PRKG1: variants seen among roughly 807,000 people sequenced by gnomAD.
PRKG1 encodes the protein cGMP-dependent protein kinase 1.
A neutral mutation model predicts 88.1 loss-of-function variants in PRKG1; 35 were observed. The ratio of observed to expected loss-of-function variants is 0.40; its 90% CI spans 0.30 to 0.53. PRKG1 has a LOEUF of 0.53. Among genes scored for constraint, PRKG1 ranks in the 20% least tolerant of loss-of-function variants. The pLI is 0.59. For synonymous variants in PRKG1, 303 were observed against 292.5 expected, an observed-to-expected ratio of 1.04 and a Z score of -0.37; for missense variants, 540 against 839.8, an observed-to-expected ratio of 0.64 and a Z score of 4.41.
At chr10:51,805,961 T>C (rs928532594) in intron 4 of PRKG1, among the ~76,000 whole-genome samples, 1 of 152,188 alleles carries the variant, frequency 6.6e-6, no homozygotes, top group African/African-American at 2.4e-5. Flanking sequence ...TGAAATTTAA[T>C]ATGGTTTTCA....
chr10:51,750,916 C>T (rs1426546337), intron 3 of PRKG1, among the ~76,000 whole-genome samples: 1 of 151,722 alleles, frequency 6.6e-6, no homozygotes, highest in Non-Finnish European at 1.5e-5. Flanking sequence ...AAGAAAATTT[C>T]AAAGATAAAT....
intron 3 of PRKG1, among the ~76,000 whole-genome samples, chr10:51,729,188 T>C (rs1480187822): frequency 1.3e-5 from 2 of 152,226 alleles, no homozygotes; most frequent in Non-Finnish European, 2.9e-5. Flanking sequence ...ATTTGTCTTA[T>C]GCAAGAAAGT....
intron 2 of PRKG1, among the ~76,000 whole-genome samples, chr10:51,317,149 G>A (rs983207911): frequency 1.3e-4 from 20 of 152,138 alleles, no homozygotes; most frequent in African/African-American, 3.9e-4. Flanking sequence ...CTAGCCAACT[G>A]CACTTTAGAT....
chr10:51,967,719 G>C (rs908943771), intron 5 of PRKG1, among the ~76,000 whole-genome samples: 1 of 152,014 alleles, frequency 6.6e-6, no homozygotes, highest in Non-Finnish European at 1.5e-5. Context: ...TTCCTAGTTG[G>C]AATCCCGCCG....
At chr10:51,628,476 A>G (rs1839431474) in intron 3 of PRKG1, among the ~76,000 whole-genome samples, 1 of 151,982 alleles carries the variant, frequency 6.6e-6, no homozygotes, top group Non-Finnish European at 1.5e-5. Context: ...TCTTGTTTTC[A>G]GTGGTAAATT....
chr10:51,230,938 T>G (rs1838828442), intron 2 of PRKG1, among the ~76,000 whole-genome samples: 1 of 152,188 alleles, frequency 6.6e-6, no homozygotes, highest in African/African-American at 2.4e-5. Flanking sequence ...CATTTTTAAG[T>G]GCACTTGCAG....
intron 5 of PRKG1, among the ~76,000 whole-genome samples, chr10:52,026,421 G>T (rs979399477): frequency 6.6e-6 from 1 of 152,174 alleles, no homozygotes. Flanking sequence ...TGAACTTTGA[G>T]AAACATTATG....
chr10:52,186,304 C>G (rs542725760), intron 9 of PRKG1, among the ~76,000 whole-genome samples: 1 of 152,072 alleles, frequency 6.6e-6, no homozygotes, highest in East Asian at 1.9e-4. Context: ...GCATCCCAGA[C>G]TTTTAAACAA....
chr10:51,858,733 C>T (rs1252773277), intron 4 of PRKG1, among the ~76,000 whole-genome samples: 7 of 151,512 alleles, frequency 4.6e-5, no homozygotes, highest in Non-Finnish European at 8.8e-5. Flanking sequence ...GAAGGAGGTA[C>T]CTTCAAAAGG....
intron 1 of PRKG1, among the ~76,000 whole-genome samples, chr10:51,142,504 C>T (rs547787591): frequency 5.3e-5 from 8 of 151,858 alleles, no homozygotes; most frequent in African/African-American, 1.7e-4. Context: ...TAGGAAGATC[C>T]AGACAGAGAG....
At position 50,991,470 on chromosome 10, in the gene PRKG1, A is replaced by T; in HGVS notation, c.92A>T (p.Glu31Val). 6.2e-7 allele frequency: 1 copy of T among 1,609,128 alleles called. No individual in the cohort carries two copies. Among genetic ancestry groups the T allele is most frequent in the Non-Finnish European group, 8.5e-7 (1 of 1,178,024 alleles). The change falls in exon 1 of 18, where the codon GAA (glutamate) becomes GTA (valine). Residue 31 changes from glutamate to valine, a missense_variant. Physicochemically the swap from Glu to Val is moderately radical, Grantham distance 121 (BLOSUM62 -2). Transcript: ENST00000401604. This position sits in a 1 kb window ranked among gnomAD's most constrained non-coding sequence, Gnocchi z 4.5. ...GAGAAGCGGCTGTCAGAGAAGGAGG[A>T]AGAAATTCAGGAGCTGAAGAGGAAA...
chr10:51,834,708 A>G (rs201541289), intron 4 of PRKG1, among the ~76,000 whole-genome samples: 105 of 129,710 alleles, frequency 8.1e-4, no homozygotes, highest in African/African-American at 3.7e-3. Context: ...GAGAGAGAGA[A>G]AGAGAAAGAG....
intron 1 of PRKG1, among the ~76,000 whole-genome samples, chr10:51,080,430 T>C (rs898707994): frequency 7.6e-6 from 1 of 131,038 alleles, no homozygotes; most frequent in East Asian, 1.9e-4. Flanking sequence ...ATAAGGCATA[T>C]GGACACATTT....
chr10:51,922,715 T>C (rs1217053034), intron 5 of PRKG1, among the ~76,000 whole-genome samples: 1 of 152,014 alleles, frequency 6.6e-6, no homozygotes, highest in East Asian at 1.9e-4. Flanking sequence ...TCCAGCTTTC[T>C]ATTATTGATT....
rs767692579 is a variant in PRKG1, at chr10:52,282,317, G to A, written c.1709+1G>A. 1.3e-6 allele frequency: 2 copies of A among 1,587,416 alleles called. No homozygotes were observed. Among genetic ancestry groups the A allele is most frequent in the Non-Finnish European group, 1.7e-6 (2 of 1,165,350 alleles). ...TAATGTATGAACTCCTGACTGGCAG[G>A]TATGGATATTGATAGGGAACTGCTG... is the stretch of plus-strand genomic sequence containing the variant. On this transcript the variant is annotated splice_donor_variant, in intron 14 of 17. Transcript: ENST00000373980. LOFTEE classifies it high-confidence loss of function.
chr10:52,144,265 G>A (rs1296589021), intron 8 of PRKG1, among the ~76,000 whole-genome samples: 2 of 152,176 alleles, frequency 1.3e-5, no homozygotes, highest in East Asian at 1.9e-4. Context: ...AGGAAAGCTG[G>A]AAGATGTGTT....
chr10:52,141,767 A>G (rs1564487360), intron 8 of PRKG1, among the ~76,000 whole-genome samples: 1 of 152,166 alleles, frequency 6.6e-6, no homozygotes, highest in East Asian at 1.9e-4. Flanking sequence ...GTATATGGTA[A>G]GTGGATAAGT....
chr10:51,213,469 TA>T (rs113937123), intron 2 of PRKG1, among the ~76,000 whole-genome samples: 4 of 151,966 alleles, frequency 2.6e-5, no homozygotes, highest in East Asian at 1.9e-4. Context: ...AGTATAATAA[TA>T]AAAAAAATGA....
chr10:51,998,616 A>AAG (rs1490262168), intron 5 of PRKG1, among the ~76,000 whole-genome samples: 2 of 152,106 alleles, frequency 1.3e-5, no homozygotes, highest in Non-Finnish European at 2.9e-5. Flanking sequence ...TTTTTTTCAA[A>AAG]AGAACCTGAA....
Sources: allele counts gnomAD v4.1 joint callset (sites outside exome capture counted in the v4.1 genomes callset), GRCh38; gene constraint gnomAD v4.1.1; non-coding constraint Gnocchi (gnomAD v3.1); transcripts MANE v1.5; gene names NCBI Gene and HGNC (gene_info 2026-07-23, HGNC 2026-07-21).